The following CENPT variants were observed in gnomAD, a reference collection of about 807,000 sequenced individuals.
CENPT encodes centromere protein T.
A neutral mutation model predicts 59.7 loss-of-function variants in CENPT; 42 were observed. The observed-to-expected ratio is 0.70, with a 90% CI of 0.55 to 0.91. CENPT has a LOEUF of 0.91. Among genes scored for constraint, CENPT ranks in the 40% least tolerant of loss-of-function variants. CENPT has a pLI of 0.00. For missense variants in CENPT, 716 were observed against 713.4 expected, an observed-to-expected ratio of 1.00 and a Z score of -0.04; for synonymous variants, 295 against 289.6, an observed-to-expected ratio of 1.02 and a Z score of -0.19.
At chr16:67,829,124 G>A in intron 13 of CENPT, 2 of 515,492 alleles carry the variant, frequency 3.9e-6, no homozygotes, top group Non-Finnish European at 6.8e-6. Flanking sequence ...GCCTTAGAAT[G>A]GATAGTCTCT....
rs956583328 is a variant in CENPT at position 67,847,543 on chromosome 16, C to G, written c.-634G>C. ...CCGGCCGGGGTGTAGGTGAACGCCC[C>G]CTCCTTGTCTGCCCCTCGGAAGTGT... On this transcript the variant is annotated 5_prime_UTR_variant, in exon 1 of 16. Transcript: ENST00000562787. 6.6e-6 allele frequency: 1 copy of G among 152,438 alleles called. No homozygotes were observed. Among genetic ancestry groups the G allele is most frequent in the Non-Finnish European group, 1.5e-5 (1 of 68,188 alleles). 9.4% of individuals were successfully genotyped at this position (152,438 alleles called of 1,614,324 possible). A position where few individuals can be genotyped will look rare whatever the true frequency, so the allele number is the denominator to read the frequency against.
rs749885312 is a variant in CENPT, at chr16:67,830,469, C to T, written c.783G>A (p.Thr261=). Residue 261 remains threonine (T), a synonymous_variant, in exon 11 of 16, where the codon ACG becomes ACA. Transcript: ENST00000562787. Reference sequence around the variant, plus strand: ...CAGCGTCTTCAGCCCCAGTGTGAGGCGTGCAGGGCAGGGAGTGATACACGT... The same window carrying T: ...CAGCGTCTTCAGCCCCAGTGTGAGGTGTGCAGGGCAGGGAGTGATACACGT... ...SPNVYHSLPC[T]PHTGAEDAEQ... 2.4e-5 allele frequency: 39 copies of T among 1,614,016 alleles called. No homozygotes were observed. The highest frequency in any genetic ancestry group is 3.1e-5 in the Non-Finnish European group (37 of 1,180,010).
At chr16:67,839,461 AAGGCAGAAGAATTGCTTGAACCCAAG>A (rs2057749760) in intron 1 of CENPT, among the ~76,000 whole-genome samples, 1 of 151,806 alleles carries the variant, frequency 6.6e-6, no homozygotes, top group African/African-American at 2.4e-5. Flanking sequence ...CTGGGAGGCT[AAGGCAGAAGAATTGCTTGAACCCAAG>A]AGGCGGATGT....
chr16:67,841,376 C>T (rs568074226), intron 1 of CENPT, among the ~76,000 whole-genome samples: 1 of 152,086 alleles, frequency 6.6e-6, no homozygotes. Context: ...TGGCCCTACC[C>T]GGGCCACCCC....
At chr16:67,836,789 T>C (rs1039590941) in intron 1 of CENPT, among the ~76,000 whole-genome samples, 2 of 151,732 alleles carry the variant, frequency 1.3e-5, no homozygotes, top group African/African-American at 4.8e-5. Flanking sequence ...GTCAGGCTGG[T>C]CTTGAACTCC....
intron 3 of CENPT, among the ~76,000 whole-genome samples, chr16:67,834,755 C>T (rs1039581193): frequency 1.3e-5 from 2 of 152,136 alleles, no homozygotes; most frequent in Admixed American, 6.6e-5. Flanking sequence ...TCTCCAAACA[C>T]GAGCAATTTT....
rs954253533 is a variant in CENPT, at chr16:67,828,189, G to C, written c.*78C>G. 6.9e-7 allele frequency: 1 copy of C among 1,459,008 alleles called. No individual in the cohort carries two copies. The highest frequency in any genetic ancestry group is 9.2e-7 in the Non-Finnish European group (1 of 1,082,306). The allele number at this position is 1,459,008 out of a possible 1,614,324, so 90.4% of individuals were successfully genotyped here. A position where few individuals can be genotyped will look rare whatever the true frequency, so the allele number is the denominator to read the frequency against. On this transcript the variant is annotated 3_prime_UTR_variant, in exon 16 of 16. Coordinates refer to ENST00000562787, the MANE Select transcript of CENPT (RefSeq NM_025082.4). ...TATGACACTTTATTGATGCTGGGGG[G>C]GTGGGGAGGAGACCTGGAGAAATAT...
intron 1 of CENPT, among the ~76,000 whole-genome samples, chr16:67,845,283 A>T (rs2057789840): frequency 6.6e-6 from 1 of 152,156 alleles, no homozygotes; most frequent in South Asian, 2.1e-4. Flanking sequence ...TTACTTATGG[A>T]CAAAGCCATC....
In CENPT at chr16:67,842,999, C is replaced by T; in HGVS notation, c.-492+4402G>A. 1 of 1,612,636 alleles carries T rather than the reference C, an allele frequency of 6.2e-7. No individual in the cohort carries two copies. Among genetic ancestry groups the T allele is most frequent in the Non-Finnish European group, 8.5e-7 (1 of 1,180,038 alleles). On this transcript the variant is annotated intron_variant, in intron 1 of 15. Transcript: ENST00000562787. This position sits in a 1 kb window ranked among gnomAD's most constrained non-coding sequence, Gnocchi z 4.9. ...CCAGACTGCCCAGCTGCAGCCGAAC[C>T]TGGTATCTGCTTCCGCGGCCGTGCT...
chr16:67,829,799 T>G lies in CENPT; in HGVS notation c.1152A>C (p.Ala384=). The G allele has an allele frequency of 6.2e-7, 1 of 1,614,238 alleles. No homozygotes were observed. Among genetic ancestry groups the G allele is most frequent in the South Asian group, 1.1e-5 (1 of 91,088 alleles). The part of the protein sequence containing the change: ...QGTAEADGPG[A]SSGDEDASGR... ...CAGAGGCATCCTCATCCCCTGAAGA[T>G]GCTCCTGGCCCGTCAGCCTCAGCAG... is the stretch of plus-strand genomic sequence containing the variant. Residue 384 remains alanine, a synonymous_variant, in exon 12 of 16, where the codon GCA becomes GCC. Coordinates refer to ENST00000562787, the MANE Select transcript of CENPT (RefSeq NM_025082.4).
chr16:67,832,941 C>T (rs2057707729), intron 4 of CENPT, among the ~76,000 whole-genome samples: 1 of 152,176 alleles, frequency 6.6e-6, no homozygotes, highest in East Asian at 1.9e-4. Context: ...CTTTTAAGAA[C>T]TTGGGTACCC....
intron 1 of CENPT, among the ~76,000 whole-genome samples, chr16:67,837,725 CAAACAAT>C (rs1336577967): frequency 6.6e-6 from 1 of 152,102 alleles, no homozygotes; most frequent in African/African-American, 2.4e-5. Context: ...AACAAACAAA[CAAACAAT>C]GAGCTTCATT....
Position 67,843,489 on chromosome 16 carries a change from A to T in CENPT, c.-492+3912T>A. 6.2e-7 allele frequency: 1 copy of T among 1,609,092 alleles called. No individual in the cohort carries two copies. The highest frequency in any genetic ancestry group is 8.5e-7 in the Non-Finnish European group (1 of 1,177,378). ...GCCATGGCTGTCATCCGCAAGAAGC[A>T]CGGAATGTGAACTGGTGCCCCGGCA... On this transcript the variant is annotated intron_variant, in intron 1 of 15. Coordinates refer to ENST00000562787, the MANE Select transcript of CENPT (RefSeq NM_025082.4). This position sits in a 1 kb window ranked among gnomAD's most constrained non-coding sequence, Gnocchi z 5.7.
In CENPT at chr16:67,844,946, G is replaced by A. The variant is rs534128988; in HGVS notation, c.-492+2455C>T. Among the ~76,000 whole-genome samples, 14 of 152,060 alleles carry A rather than the reference G, an allele frequency of 9.2e-5. No individual in the cohort carries two copies. The East Asian group carries it at 1.4e-3, about 15-fold the overall frequency. ...TGGGATTATAGGCACCCGCCACCAC[G>A]TCGGGCTGATTTTTGTATTTTCAGT... is the stretch of plus-strand genomic sequence containing the variant. On this transcript the variant is annotated intron_variant, in intron 1 of 15. Transcript: ENST00000562787.
At chr16:67,832,422 G>A in intron 5 of CENPT, 33 bp downstream of exon 5, 1 of 1,610,896 alleles carries the variant, frequency 6.2e-7, no homozygotes. Context: ...GAGGCAGCCA[G>A]GGCCCTTTGG....
At chr16:67,844,782 AT>A (rs61398471) in intron 1 of CENPT, among the ~76,000 whole-genome samples, 301 of 142,006 alleles carry the variant, frequency 2.1e-3, no homozygotes, top group East Asian at 0.015. Flanking sequence ...GCCTGCCTCT[AT>A]TTTTTTTTTT....
In CENPT at chr16:67,847,491, G is replaced by T. The variant is rs1375850002; in HGVS notation, c.-582C>A. 6.6e-6 allele frequency: 1 copy of T among 152,358 alleles called. No homozygotes were observed. Among genetic ancestry groups the T allele is most frequent in the Non-Finnish European group, 1.5e-5 (1 of 68,150 alleles). 9.4% of individuals were successfully genotyped at this position (152,358 alleles called of 1,614,324 possible). On this transcript the variant is annotated 5_prime_UTR_variant, in exon 1 of 16. Coordinates refer to ENST00000562787, the MANE Select transcript of CENPT (RefSeq NM_025082.4). ...CCCGCCTGCCGCAGCCGGGGCTTGG[G>T]CCCCTCACCCTGTTCCCGACCATAG...
intron 1 of CENPT, among the ~76,000 whole-genome samples, chr16:67,845,670 C>G (rs538423424): frequency 6.6e-6 from 1 of 152,306 alleles, no homozygotes; most frequent in East Asian, 1.9e-4. Flanking sequence ...CTCCCTGGAC[C>G]CTCCCTGGTG....
chr16:67,836,354 C>T (rs2057734808), intron 1 of CENPT, among the ~76,000 whole-genome samples: 1 of 152,274 alleles, frequency 6.6e-6, no homozygotes, highest in South Asian at 2.1e-4. Flanking sequence ...GCCACTACAC[C>T]CGGCCCCAGC....
Sources: allele counts gnomAD v4.1 joint callset (sites outside exome capture counted in the v4.1 genomes callset), GRCh38; gene constraint gnomAD v4.1.1; non-coding constraint Gnocchi (gnomAD v3.1); transcripts MANE v1.5; gene names NCBI Gene and HGNC (gene_info 2026-07-23, HGNC 2026-07-21).